The following IDE variants were observed in gnomAD, a reference collection of about 807,000 sequenced individuals.
IDE encodes the protein insulin-degrading enzyme.
Under a neutral mutation model 133.2 loss-of-function variants are expected in IDE, and 58 were observed. That is an observed-to-expected ratio of 0.44 (90% confidence interval 0.35 to 0.54). The LOEUF (loss-of-function observed/expected upper bound fraction) is 0.54. Among genes scored for constraint, IDE ranks in the 20% least tolerant of loss-of-function variants. The pLI is 0.00. For synonymous variants in IDE, 396 were observed against 421.3 expected, an observed-to-expected ratio of 0.94 and a Z score of 0.73; for missense variants, 981 against 1,234.0, an observed-to-expected ratio of 0.79 and a Z score of 3.07.
chr10:92,572,917 G>C (rs955804030), intron 1 of IDE: 1 of 984,958 alleles, frequency 1.0e-6, no homozygotes, highest in East Asian at 1.1e-4. Flanking sequence ...ACACACCCTT[G>C]TAGCTATCTC....
chr10:92,525,274 G>A (rs1849563742), intron 4 of IDE, among the ~76,000 whole-genome samples: 1 of 152,088 alleles, frequency 6.6e-6, no homozygotes, highest in African/African-American at 2.4e-5. Flanking sequence ...ACAAAAACAT[G>A]ATACATCACA....
At chr10:92,487,363 A>C in intron 12 of IDE, 45 bp from the exon 13 acceptor site, 1 of 1,550,928 alleles carries the variant, frequency 6.4e-7, no homozygotes, top group South Asian at 1.2e-5. Context: ...AGTCTGATTT[A>C]AGAGTTTAAA....
Position 92,564,754 on chromosome 10 carries a change from G to A in IDE, c.98+9168C>T, listed in dbSNP as rs533414026. 1.1e-4 allele frequency among the ~76,000 whole-genome samples: 15 copies of A among 140,770 alleles called. No homozygotes were observed. The East Asian group carries it at 2.8e-3, about 26-fold the overall frequency. The allele number at this position is 140,770 out of a possible 152,430, so 92.4% of individuals were successfully genotyped here. ...TCCATAGGACCATAAGATCAAGTGGGAAGAATCAGAAATATGTAAACAGTT... is the reference window on the plus strand; with the variant it reads ...TCCATAGGACCATAAGATCAAGTGGAAAGAATCAGAAATATGTAAACAGTT... On this transcript the variant is annotated intron_variant, in intron 1 of 24. Coordinates refer to ENST00000265986, the MANE Select transcript of IDE (RefSeq NM_004969.4).
At position 92,531,737 on chromosome 10, in the gene IDE, T is replaced by A. The variant is rs781306588; in HGVS notation, c.661+11A>T. The A allele has an allele frequency of 1.3e-6, 2 of 1,554,508 alleles. No homozygotes were observed. The highest frequency in any genetic ancestry group is 1.8e-5 in the Admixed American group (1 of 56,748). On this transcript the variant is annotated intron_variant, in intron 4 of 24. Transcript: ENST00000265986. The stretch of plus-strand genomic sequence containing the variant: ...TTTAAATGAGGTCAAGGAAAGCAGC[T>A]GTTGACAAACCTGTCCCAAATTTAC...
chr10:92,557,011 T>C (rs1359044598), intron 1 of IDE, among the ~76,000 whole-genome samples: 2 of 151,876 alleles, frequency 1.3e-5, no homozygotes, highest in South Asian at 2.1e-4. Flanking sequence ...TGTTCATGGA[T>C]GGGAAGACAG....
intron 1 of IDE, among the ~76,000 whole-genome samples, chr10:92,568,748 G>A (rs1055009086): frequency 6.6e-6 from 1 of 152,066 alleles, no homozygotes; most frequent in Non-Finnish European, 1.5e-5. Context: ...GCTGGGAGAT[G>A]GAGGTTGCAG....
At position 92,474,929 on chromosome 10, in the gene IDE, T is replaced by C. The variant is rs1185482446; in HGVS notation, c.2028A>G (p.Glu676=). 1.2e-6 allele frequency: 2 copies of C among 1,613,140 alleles called. No individual in the cohort carries two copies. Among genetic ancestry groups the C allele is most frequent in the Admixed American group, 1.7e-5 (1 of 59,956 alleles). Residue 676 remains glutamate, a synonymous_variant, in exon 17 of 25, where the codon GAA becomes GAG. Coordinates refer to ENST00000265986, the MANE Select transcript of IDE (RefSeq NM_004969.4). Reference sequence around the variant, plus strand: ...AGTACATGGCATGCTGGTGAGGCTGTTCAGCCCGGAAATTGTTAAGAGATC... The same window carrying C: ...AGTACATGGCATGCTGGTGAGGCTGCTCAGCCCGGAAATTGTTAAGAGATC... ...YMRSLNNFRA[E]QPHQHAMYYL... is the part of the protein sequence containing the mutation.
chr10:92,529,925 A>C (rs1008886148), intron 4 of IDE, among the ~76,000 whole-genome samples: 10 of 152,156 alleles, frequency 6.6e-5, no homozygotes, highest in African/African-American at 2.4e-4. Context: ...AACATACCAA[A>C]AGGACTACTT....
intron 1 of IDE, among the ~76,000 whole-genome samples, chr10:92,559,552 A>C (rs1843178495): frequency 6.6e-6 from 1 of 152,206 alleles, no homozygotes; most frequent in Admixed American, 6.5e-5. Context: ...ATTTGTATGA[A>C]TGGTCCAGAA....
chr10:92,545,451 C>T (rs2135734297), intron 1 of IDE, among the ~76,000 whole-genome samples: 1 of 152,258 alleles, frequency 6.6e-6, no homozygotes, highest in African/African-American at 2.4e-5. Flanking sequence ...TGATAAATTA[C>T]AAAAATCACA....
At chr10:92,514,866 C>G in intron 5 of IDE, 54 bp downstream of exon 5, 1 of 1,480,456 alleles carries the variant, frequency 6.8e-7, no homozygotes, top group Non-Finnish European at 9.3e-7. Context: ...GTGAAAAAGC[C>G]AACATTAAAA....
At chr10:92,539,296 T>C (rs1168753007) in intron 1 of IDE, among the ~76,000 whole-genome samples, 1 of 152,150 alleles carries the variant, frequency 6.6e-6, no homozygotes, top group Non-Finnish European at 1.5e-5. Flanking sequence ...TGTATAATAC[T>C]GGTTTTAAAA....
chr10:92,566,411 TCTCACA>T (rs1158601309), intron 1 of IDE, among the ~76,000 whole-genome samples: 3 of 142,950 alleles, frequency 2.1e-5, no homozygotes, highest in Non-Finnish European at 4.5e-5. Context: ...TCTCTCTCTC[TCTCACA>T]CACACACACA....
At chr10:92,479,470 T>C in intron 14 of IDE, 49 bp from the exon 15 acceptor site, 1 of 1,446,740 alleles carries the variant, frequency 6.9e-7, no homozygotes, top group Non-Finnish European at 9.7e-7. Flanking sequence ...TACTTCTCAA[T>C]GTGATATGGC....
chr10:92,509,750 G>T (rs957791068), intron 6 of IDE, among the ~76,000 whole-genome samples: 6 of 151,994 alleles, frequency 3.9e-5, no homozygotes, highest in Non-Finnish European at 5.9e-5. Context: ...GTGAAACCCT[G>T]TGTCTACTAA....
intron 8 of IDE, 95 bp from the exon 9 acceptor site, chr10:92,507,761 G>A (rs772013813): frequency 2.5e-5 from 19 of 766,712 alleles, no homozygotes; most frequent in Non-Finnish European, 4.2e-5. Flanking sequence ...AGTGGAAGAT[G>A]GTCCCTCTTA....
At chr10:92,514,249 G>A (rs1848785162) in intron 5 of IDE, among the ~76,000 whole-genome samples, 1 of 152,138 alleles carries the variant, frequency 6.6e-6, no homozygotes, top group African/African-American at 2.4e-5. Flanking sequence ...ACCATCGGCA[G>A]TGGGTATTAC....
At chr10:92,487,933 A>C (rs1847101524) in intron 12 of IDE, among the ~76,000 whole-genome samples, 1 of 152,030 alleles carries the variant, frequency 6.6e-6, no homozygotes. Context: ...AGTAGCTGGG[A>C]CTACAGGTGT....
At chr10:92,515,548 C>G (rs1462429299) in intron 4 of IDE, among the ~76,000 whole-genome samples, 1 of 148,930 alleles carries the variant, frequency 6.7e-6, no homozygotes. Context: ...CATGAGCAAC[C>G]GCGCACCCGG....
Sources: allele counts gnomAD v4.1 joint callset (sites outside exome capture counted in the v4.1 genomes callset), GRCh38; gene constraint gnomAD v4.1.1; transcripts MANE v1.5; gene names NCBI Gene and HGNC (gene_info 2026-07-23, HGNC 2026-07-21).